The following IQGAP2 variants were observed in gnomAD, a reference collection of about 807,000 sequenced individuals.
IQGAP2 encodes ras GTPase-activating-like protein IQGAP2.
In IQGAP2, 173 loss-of-function variants were observed where a neutral mutation model predicts 201.3. That is an observed-to-expected ratio of 0.86 (90% CI 0.76 to 0.98). IQGAP2 has a LOEUF of 0.98. Ranked by LOEUF, IQGAP2 falls within the 50% of genes least tolerant of loss-of-function variation. The probability of loss-of-function intolerance (pLI) is 0.00; values close to 1 mark genes in which losing one functional copy is unlikely to be tolerated. For missense variants in IQGAP2, 1,687 were observed against 1,864.8 expected (o/e 0.90, Z 1.76); for synonymous variants, 675 against 673.9 (o/e 1.00, Z -0.03).
chr5:76,496,368 T>C (rs557886934), intron 2 of IQGAP2, among the ~76,000 whole-genome samples: 53 of 152,296 alleles, frequency 3.5e-4, no homozygotes, highest in South Asian at 4.2e-4. Context: ...TCAGCAACAC[T>C]GTATTTCCTG....
At chr5:76,477,688 A>C (rs1345720330) in intron 2 of IQGAP2, among the ~76,000 whole-genome samples, 12 of 152,194 alleles carry the variant, frequency 7.9e-5, no homozygotes, top group Non-Finnish European at 1.5e-5. Flanking sequence ...AAATGGCCCC[A>C]GGCAGGCCCT....
intron 3 of IQGAP2, among the ~76,000 whole-genome samples, chr5:76,569,432 CAA>C (rs35438972): frequency 0.013 from 1,897 of 148,672 alleles, 35 homozygotes; most frequent in African/African-American, 0.044. Context: ...ATGAACACTG[CAA>C]AAAAAAAAAT....
At chr5:76,626,856 A>G (rs1315954640) in intron 13 of IQGAP2, among the ~76,000 whole-genome samples, 1 of 152,132 alleles carries the variant, frequency 6.6e-6, no homozygotes, top group East Asian at 1.9e-4. Flanking sequence ...GAAAAAGCCA[A>G]CAGCCACACA....
intron 1 of IQGAP2, among the ~76,000 whole-genome samples, chr5:76,451,152 A>G (rs1028756063): frequency 6.6e-6 from 1 of 152,182 alleles, no homozygotes; most frequent in African/African-American, 2.4e-5. Context: ...GTAAATTGGC[A>G]TATTGGGGTG....
At chr5:76,644,854 T>C (rs1379665835) in intron 17 of IQGAP2, among the ~76,000 whole-genome samples, 1 of 152,108 alleles carries the variant, frequency 6.6e-6, no homozygotes, top group South Asian at 2.1e-4. Context: ...AACAAAAAAA[T>C]TCTTTTATTA....
Position 76,707,381 on chromosome 5 carries a change from G to T in IQGAP2, c.*68G>T. ...GGAAATGAATTTGTTTAATATTTTTGTTTTTAAACATGATTGAAATCACTG... is the reference window on the plus strand; with the variant it reads ...GGAAATGAATTTGTTTAATATTTTTTTTTTTAAACATGATTGAAATCACTG... On this transcript the variant is annotated 3_prime_UTR_variant, in exon 36 of 36. Coordinates refer to ENST00000274364, the MANE Select transcript of IQGAP2 (RefSeq NM_006633.5). 1 of 778,002 alleles carries T rather than the reference G, an allele frequency of 1.3e-6. No individual in the cohort carries two copies. Among genetic ancestry groups the T allele is most frequent in the Non-Finnish European group, 2.2e-6 (1 of 452,152 alleles). The allele number at this position is 778,002 out of a possible 1,614,324, so 48.2% of individuals were successfully genotyped here.
intron 2 of IQGAP2, among the ~76,000 whole-genome samples, chr5:76,491,983 C>CA (rs930963554): frequency 6.6e-6 from 1 of 151,408 alleles, no homozygotes; most frequent in Non-Finnish European, 1.5e-5. Context: ...CCCAGTCCAC[C>CA]TTTTTTTTTG....
intron 13 of IQGAP2, among the ~76,000 whole-genome samples, chr5:76,614,302 A>G (rs1000833358): frequency 6.6e-6 from 1 of 152,260 alleles, no homozygotes; most frequent in Middle Eastern, 3.4e-3. Context: ...AGTAGCTTTC[A>G]TGGTGTGATT....
chr5:76,584,747 G>A (rs1007761289), intron 5 of IQGAP2, among the ~76,000 whole-genome samples: 1 of 152,162 alleles, frequency 6.6e-6, no homozygotes, highest in Non-Finnish European at 1.5e-5. Context: ...TCTTAATGCT[G>A]GCTCCTGACA....
Position 76,403,578 on chromosome 5 carries a change from AC to A in IQGAP2, c.37del (p.Arg13AlafsTer32). 2 of 1,541,640 alleles carry A rather than the reference AC, an allele frequency of 1.3e-6. No homozygotes were observed. Among genetic ancestry groups the A allele is most frequent in the South Asian group, 1.2e-5 (1 of 83,122 alleles). The part of the protein sequence containing the change: ...PHEELPSLQR[P>X]RYGSIVDDER... ...ACGAAGAGCTGCCGTCGCTGCAGAGACCCCGCTATGGCTGTAAGTGCGCCGG... is the reference window on the plus strand; with the variant it reads ...ACGAAGAGCTGCCGTCGCTGCAGAGACCCGCTATGGCTGTAAGTGCGCCGG... On this transcript the variant is annotated frameshift_variant, in exon 1 of 36. Transcript: ENST00000274364. LOFTEE classifies it high-confidence loss of function. This position sits in a 1 kb window ranked among gnomAD's most constrained non-coding sequence, Gnocchi z 4.8.
chr5:76,686,723 A>G (rs1745796802), intron 30 of IQGAP2, among the ~76,000 whole-genome samples: 1 of 152,008 alleles, frequency 6.6e-6, no homozygotes, highest in Admixed American at 6.6e-5. Context: ...GTCAGCCAGG[A>G]TGGTCTCCAT....
In IQGAP2 at chr5:76,541,577, C is replaced by T. The variant is rs145374681; in HGVS notation, c.147-20819C>T. 5.6e-4 allele frequency among the ~76,000 whole-genome samples: 85 copies of T among 152,320 alleles called. 1 individual carries two copies. The East Asian group carries it at 0.014, about 24-fold the overall frequency. On this transcript the variant is annotated intron_variant, in intron 2 of 35. Transcript: ENST00000274364. ...TATACTGGATCACAAAGTAATTCTA[C>T]GTTTCACTTTTTGAGGAGCCACCAA...
intron 1 of IQGAP2, among the ~76,000 whole-genome samples, chr5:76,460,705 A>G (rs1480343833): frequency 6.6e-6 from 1 of 152,080 alleles, no homozygotes; most frequent in Admixed American, 6.5e-5. Flanking sequence ...TTTTTGACAC[A>G]TGTCAATCTT....
intron 3 of IQGAP2, among the ~76,000 whole-genome samples, chr5:76,569,060 T>C (rs1744932738): frequency 6.6e-6 from 1 of 152,208 alleles, no homozygotes; most frequent in Non-Finnish European, 1.5e-5. Context: ...CTGGGCTCTG[T>C]TTATTCCTTT....
rs750543396 is a variant in IQGAP2, at chr5:76,590,389, C to T, written c.641-19C>T. ...TTTGCTGATAAAAACCTTTTTCTCT[C>T]TCTCTCTTTACTTTTTAGTACATGC... is the stretch of plus-strand genomic sequence containing the variant. On this transcript the variant is annotated intron_variant, in intron 7 of 35. Transcript: ENST00000274364. 6.4e-7 allele frequency: 1 copy of T among 1,563,684 alleles called. No individual in the cohort carries two copies. The highest frequency in any genetic ancestry group is 1.2e-5 in the South Asian group (1 of 84,114).
At chr5:76,485,146 C>T (rs1311610479) in intron 2 of IQGAP2, among the ~76,000 whole-genome samples, 1 of 152,120 alleles carries the variant, frequency 6.6e-6, no homozygotes, top group African/African-American at 2.4e-5. Context: ...TTCATACCTG[C>T]TTTCCCTATA....
intron 2 of IQGAP2, among the ~76,000 whole-genome samples, chr5:76,463,109 T>G (rs1580247733): frequency 9.0e-6 from 1 of 111,392 alleles, no homozygotes; most frequent in Admixed American, 1.3e-4. Context: ...GGTGGCAGAG[T>G]GAGACGCTGT....
intron 28 of IQGAP2, chr5:76,677,579 A>T (rs1017001594): frequency 1.2e-4 from 40 of 340,454 alleles, no homozygotes; most frequent in Non-Finnish European, 1.8e-4. Flanking sequence ...ACTCCTAGAC[A>T]TTAATAAAAC....
chr5:76,510,473 C>T, intron 2 of IQGAP2: 1 of 325,172 alleles, frequency 3.1e-6, no homozygotes, highest in Non-Finnish European at 6.1e-6. Flanking sequence ...CAGCAGCACA[C>T]AGGTGGCAGG....
Sources: allele counts gnomAD v4.1 joint callset (sites outside exome capture counted in the v4.1 genomes callset), GRCh38; gene constraint gnomAD v4.1.1; non-coding constraint Gnocchi (gnomAD v3.1); transcripts MANE v1.5; gene names NCBI Gene and HGNC (gene_info 2026-07-23, HGNC 2026-07-21).